The following CNTNAP2 variants were observed in gnomAD, a reference collection of about 807,000 sequenced individuals.
CNTNAP2 encodes contactin associated protein 2.
Under a neutral mutation model 155.2 loss-of-function variants are expected in CNTNAP2, and 98 were observed. That is an observed-to-expected ratio of 0.63 (90% CI 0.54 to 0.75). The LOEUF (loss-of-function observed/expected upper bound fraction) is 0.75, where lower values mean the gene tolerates loss of function less well. CNTNAP2 is among the 30% of genes least tolerant of loss of function. The pLI is 0.00. For missense variants in CNTNAP2, 1,727 were observed against 1,688.1 expected (o/e 1.02, Z -0.40); for synonymous variants, 651 against 631.2 (o/e 1.03, Z -0.47).
chr7:147,194,945 T>C (rs1231637299), intron 8 of CNTNAP2, among the ~76,000 whole-genome samples: 1 of 152,234 alleles, frequency 6.6e-6, no homozygotes. Flanking sequence ...TTTGTCAATT[T>C]TGGCTTTTGT....
intron 1 of CNTNAP2, among the ~76,000 whole-genome samples, chr7:146,727,538 CCA>C (rs1801452010): frequency 1.3e-5 from 2 of 152,074 alleles, no homozygotes; most frequent in Non-Finnish European, 2.9e-5. Context: ...CAGCACTTAC[CCA>C]CACACACTAA....
At chr7:148,051,107 T>C (rs1054541081) in intron 15 of CNTNAP2, among the ~76,000 whole-genome samples, 4 of 152,224 alleles carry the variant, frequency 2.6e-5, no homozygotes, top group African/African-American at 9.6e-5. Context: ...TAGCTTGTTT[T>C]GAGTTCATTT....
intron 1 of CNTNAP2, among the ~76,000 whole-genome samples, chr7:146,754,540 C>T (rs901429226): frequency 7.3e-6 from 1 of 136,628 alleles, no homozygotes; most frequent in African/African-American, 3.0e-5. Context: ...TAGAGTCTCT[C>T]TCTCTCTCTC....
chr7:147,544,384 G>T (rs1303177743), intron 11 of CNTNAP2, among the ~76,000 whole-genome samples: 1 of 152,086 alleles, frequency 6.6e-6, no homozygotes. Context: ...TAGCAATGAA[G>T]CTCTCACTTC....
chr7:147,821,901 T>A lies in CNTNAP2; in HGVS notation c.2099-81664T>A, dbSNP rs145275355. On this transcript the variant is annotated intron_variant, in intron 13 of 23. Coordinates refer to ENST00000361727, the MANE Select transcript of CNTNAP2 (RefSeq NM_014141.6). ...AAAGAGTATAATGATCTGATCAAGATTAAAAAACAAAAAGCATTCATTTTA... is the reference window on the plus strand; with the variant it reads ...AAAGAGTATAATGATCTGATCAAGAATAAAAAACAAAAAGCATTCATTTTA... 1.6e-4 allele frequency among the ~76,000 whole-genome samples: 25 copies of A among 152,042 alleles called. No homozygotes were observed. The East Asian group carries it at 4.8e-3, about 29-fold the overall frequency.
chr7:146,938,267 A>C (rs1442003832), intron 3 of CNTNAP2, among the ~76,000 whole-genome samples: 2 of 152,138 alleles, frequency 1.3e-5, no homozygotes, highest in African/African-American at 4.8e-5. Flanking sequence ...TTGGCGTAAT[A>C]AATTAAGAGC....
intron 3 of CNTNAP2, among the ~76,000 whole-genome samples, chr7:146,982,819 C>T (rs1398253069): frequency 6.6e-6 from 1 of 152,084 alleles, no homozygotes; most frequent in East Asian, 1.9e-4. Context: ...TCTACTTTTG[C>T]ATTTGGATTA....
chr7:146,205,716 T>C (rs1798934953), intron 1 of CNTNAP2, among the ~76,000 whole-genome samples: 1 of 151,844 alleles, frequency 6.6e-6, no homozygotes, highest in African/African-American at 2.4e-5. Flanking sequence ...AATCCGGCCA[T>C]AGGATATATA....
intron 15 of CNTNAP2, among the ~76,000 whole-genome samples, chr7:148,106,860 A>C (rs1377088659): frequency 6.6e-6 from 1 of 152,182 alleles, no homozygotes; most frequent in African/African-American, 2.4e-5. Flanking sequence ...AGCAACCTTT[A>C]GGGCTTACCC....
chr7:146,467,558 A>T (rs988033767), intron 1 of CNTNAP2, among the ~76,000 whole-genome samples: 1 of 152,176 alleles, frequency 6.6e-6, no homozygotes, highest in Non-Finnish European at 1.5e-5. Context: ...AATTTGGGTG[A>T]TTTTAGAGAA....
intron 1 of CNTNAP2, among the ~76,000 whole-genome samples, chr7:146,760,494 G>A (rs13239246): frequency 4.9e-5 from 6 of 123,046 alleles, no homozygotes; most frequent in African/African-American, 9.4e-5. Context: ...GCATAATCTC[G>A]ACTCATTACA....
chr7:146,460,430 A>G (rs774229285), intron 1 of CNTNAP2, among the ~76,000 whole-genome samples: 18 of 152,290 alleles, frequency 1.2e-4, no homozygotes, highest in Admixed American at 2.0e-4. Context: ...TTCTGGGTAT[A>G]TAGCCAAAGG....
rs149227884 is a variant in CNTNAP2 at position 147,486,420 on chromosome 7, G to A, written c.1777+379G>A. ...GACCCTCATTTATTAATTAATCCGA[G>A]AGGGAGACACAGGGTAATTGGAACA... is the stretch of plus-strand genomic sequence containing the variant. On this transcript the variant is annotated intron_variant, in intron 11 of 23. Coordinates refer to ENST00000361727, the MANE Select transcript of CNTNAP2 (RefSeq NM_014141.6). Among the ~76,000 whole-genome samples, 255 of 152,224 alleles carry A rather than the reference G, an allele frequency of 1.7e-3. 1 individual carries two copies. Among genetic ancestry groups the A allele is most frequent in the African/African-American group, 5.9e-3 (244 of 41,526 alleles).
chr7:147,823,625 T>C (rs1482308217), intron 13 of CNTNAP2, among the ~76,000 whole-genome samples: 4 of 151,976 alleles, frequency 2.6e-5, no homozygotes, highest in Non-Finnish European at 5.9e-5. Context: ...CAAGGGACTA[T>C]AGGATGAGAA....
chr7:146,732,578 ATGT>A (rs1331493488), intron 1 of CNTNAP2, among the ~76,000 whole-genome samples: 3 of 152,080 alleles, frequency 2.0e-5, no homozygotes, highest in African/African-American at 7.2e-5. Context: ...AGGTTTACTC[ATGT>A]TGTTCTTCTG....
chr7:147,963,756 T>G (rs1171644531), intron 14 of CNTNAP2, among the ~76,000 whole-genome samples: 1 of 152,134 alleles, frequency 6.6e-6, no homozygotes, highest in Non-Finnish European at 1.5e-5. Context: ...CTTCTCGAGC[T>G]ATAACTTTCA....
intron 2 of CNTNAP2, among the ~76,000 whole-genome samples, chr7:146,837,268 C>A (rs1364101874): frequency 6.6e-6 from 1 of 152,002 alleles, no homozygotes; most frequent in Admixed American, 6.6e-5. Flanking sequence ...TTTTTCCTCT[C>A]TGAGCTTAAT....
chr7:146,990,733 G>A (rs1798194043), intron 3 of CNTNAP2, among the ~76,000 whole-genome samples: 1 of 152,068 alleles, frequency 6.6e-6, no homozygotes. Context: ...GGTTTTGATT[G>A]ACACATGTTT....
chr7:148,417,876 C>T lies in CNTNAP2; in HGVS notation c.*2260C>T, dbSNP rs186600344. ...AAACAGCTTCTGCTACTAAAATGTT[C>T]TCATCCTTTCTCCTCCCTCTCCTTT... On this transcript the variant is annotated 3_prime_UTR_variant, in exon 24 of 24. Coordinates refer to ENST00000361727, the MANE Select transcript of CNTNAP2 (RefSeq NM_014141.6). 6.6e-6 allele frequency: 1 copy of T among 152,204 alleles called. No individual in the cohort carries two copies. The highest frequency in any genetic ancestry group is 1.5e-5 in the Non-Finnish European group (1 of 68,040). 9.4% of individuals were successfully genotyped at this position (152,204 alleles called of 1,614,324 possible).
Sources: gnomAD v4.1 joint callset for allele counts (sites outside exome capture counted in the v4.1 genomes callset) on GRCh38, gnomAD v4.1.1 for gene constraint, MANE v1.5 for transcripts, NCBI Gene and HGNC (gene_info 2026-07-23, HGNC 2026-07-21) for gene names.